The following TIMM9 variants were observed in gnomAD, a reference collection of about 807,000 sequenced individuals.
TIMM9 encodes translocase of inner mitochondrial membrane 9.
Under a neutral mutation model 13.4 loss-of-function variants are expected in TIMM9, and 10 were observed. The ratio of observed to expected loss-of-function variants is 0.75; its 90% CI spans 0.46 to 1.26. TIMM9 has a LOEUF of 1.26. Among genes scored for constraint, TIMM9 ranks in the 50% most tolerant of loss-of-function variants. The pLI is 0.00. For missense variants in TIMM9, 87 were observed against 100.8 expected, an observed-to-expected ratio of 0.86 and a Z score of 0.58; for synonymous variants, 32 against 32.1, an observed-to-expected ratio of 1.00 and a Z score of 0.01.
rs1432329127 is a variant in TIMM9, at chr14:58,410,883, C to A, written c.95G>T (p.Cys32Phe). The A allele has an allele frequency of 3.7e-6, 6 of 1,613,162 alleles. No individual in the cohort carries two copies. The highest frequency in any genetic ancestry group is 1.7e-5 in the Admixed American group (1 of 59,782). Residue 32 changes from cysteine to phenylalanine, a missense_variant, in exon 5 of 6, where the codon TGT becomes TTT. By Grantham distance (205) the Cys-to-Phe change is radical. Transcript: ENST00000395159. ...NKLTETCFLD[C>F]VKDFTTREVK... is the part of the protein sequence containing the mutation. The stretch of plus-strand genomic sequence containing the variant: ...TTCTCTTGTTGTGAAGTCTTTAACA[C>A]AGTCCAAAAAGCAGGTCTCTGTAAG...
intron 3 of TIMM9, among the ~76,000 whole-genome samples, chr14:58,421,754 T>G (rs1016558708): frequency 6.6e-6 from 1 of 152,188 alleles, no homozygotes; most frequent in Non-Finnish European, 1.5e-5. Flanking sequence ...TAAAGAAGTA[T>G]TAAATGAAAT....
At chr14:58,423,619 T>C (rs2036655229) in intron 3 of TIMM9, among the ~76,000 whole-genome samples, 1 of 151,868 alleles carries the variant, frequency 6.6e-6, no homozygotes, top group African/African-American at 2.4e-5. Context: ...ATTTTCAGAG[T>C]TACTTGCTAA....
chr14:58,421,618 T>C (rs1371349325), intron 3 of TIMM9, among the ~76,000 whole-genome samples: 2 of 152,190 alleles, frequency 1.3e-5, no homozygotes, highest in Non-Finnish European at 2.9e-5. Flanking sequence ...TATAACTTTC[T>C]GGTACCTGCC....
chr14:58,421,895 G>C (rs923073033), intron 3 of TIMM9, among the ~76,000 whole-genome samples: 6 of 152,004 alleles, frequency 3.9e-5, no homozygotes, highest in African/African-American at 1.4e-4. Flanking sequence ...TTGAATTGTC[G>C]AATAAGGACA....
At chr14:58,417,143 C>T (rs1399550971) in intron 3 of TIMM9, among the ~76,000 whole-genome samples, 1 of 152,084 alleles carries the variant, frequency 6.6e-6, no homozygotes, top group Non-Finnish European at 1.5e-5. Flanking sequence ...GTGACTTGCT[C>T]CTCCTTGCCT....
chr14:58,414,879 C>T (rs1160056733), intron 3 of TIMM9, among the ~76,000 whole-genome samples: 1 of 152,156 alleles, frequency 6.6e-6, no homozygotes, highest in Non-Finnish European at 1.5e-5. Flanking sequence ...GGGAGCCTGG[C>T]TTTCCACCCC....
In TIMM9 at chr14:58,411,894, T is replaced by G; in HGVS notation, c.39+13A>C. On this transcript the variant is annotated intron_variant, in intron 4 of 5. Coordinates refer to ENST00000395159, the MANE Select transcript of TIMM9 (RefSeq NM_012460.4). ...TTTTGCAAAATCTTTTCCCCTTAAT[T>G]AGAATACCTTACCTGTTTTATCTGA... is the stretch of plus-strand genomic sequence containing the variant. 2 of 1,613,470 alleles carry G rather than the reference T, an allele frequency of 1.2e-6. No homozygotes were observed. Among genetic ancestry groups the G allele is most frequent in the South Asian group, 2.2e-5 (2 of 91,048 alleles).
At chr14:58,411,371 C>T (rs1481433683) in intron 4 of TIMM9, among the ~76,000 whole-genome samples, 1 of 151,802 alleles carries the variant, frequency 6.6e-6, no homozygotes, top group East Asian at 1.9e-4. Flanking sequence ...TTGCTTGGGC[C>T]CGGGAGATGG....
chr14:58,420,330 C>A lies in TIMM9; in HGVS notation c.-27+3678G>T, dbSNP rs111663092. Among the ~76,000 whole-genome samples the A allele has an allele frequency of 1.2e-4, 18 of 152,050 alleles. 1 individual carries two copies. The highest frequency in any genetic ancestry group is 4.1e-4 in the African/African-American group (17 of 41,462). Reference sequence around the variant, plus strand: ...ACATAACTGACAAAGAACTAATAAGCAGAAGATATAAAGAACTCTCAAACC... The same window carrying A: ...ACATAACTGACAAAGAACTAATAAGAAGAAGATATAAAGAACTCTCAAACC... On this transcript the variant is annotated intron_variant, in intron 3 of 5. Transcript: ENST00000395159.
In TIMM9 at chr14:58,420,806, A is replaced by C. The variant is rs909311426; in HGVS notation, c.-27+3202T>G. 2.5e-3 allele frequency among the ~76,000 whole-genome samples: 381 copies of C among 151,926 alleles called. 3 individuals are homozygous for C. Among genetic ancestry groups the C allele is most frequent in the Middle Eastern group, 6.8e-3 (2 of 294 alleles). On this transcript the variant is annotated intron_variant, in intron 3 of 5. Coordinates refer to ENST00000395159, the MANE Select transcript of TIMM9 (RefSeq NM_012460.4). ...AAAAATCCATCTCAAAAAAAAAAAA[A>C]AAAAAAACAAGCTATATACCTATCA...
intron 2 of TIMM9, among the ~76,000 whole-genome samples, chr14:58,426,443 G>A (rs2036810434): frequency 6.6e-6 from 1 of 152,052 alleles, no homozygotes; most frequent in Admixed American, 6.5e-5. Flanking sequence ...CTGATCTCGT[G>A]ATCCGCCCGC....
chr14:58,426,637 G>A (rs961874458), intron 2 of TIMM9, among the ~76,000 whole-genome samples: 2 of 152,238 alleles, frequency 1.3e-5, no homozygotes, highest in East Asian at 1.9e-4. Flanking sequence ...CCAGTAAGGC[G>A]TAAAGGGAAA....
intron 3 of TIMM9, among the ~76,000 whole-genome samples, chr14:58,420,031 C>T (rs1283454363): frequency 2.0e-5 from 3 of 152,176 alleles, no homozygotes; most frequent in African/African-American, 4.8e-5. Context: ...CTTAAGCAGC[C>T]CTCCCATCTC....
chr14:58,415,521 T>C (rs1037897946), intron 3 of TIMM9, among the ~76,000 whole-genome samples: 2 of 151,878 alleles, frequency 1.3e-5, no homozygotes, highest in Admixed American at 6.6e-5. Flanking sequence ...ATAGAAGATA[T>C]CAAGACCCAA....
At chr14:58,418,754 G>A (rs919558320) in intron 3 of TIMM9, among the ~76,000 whole-genome samples, 2 of 151,850 alleles carry the variant, frequency 1.3e-5, no homozygotes, top group African/African-American at 4.8e-5. Flanking sequence ...AAACATGTAC[G>A]GACTTGTATG....
In TIMM9 at chr14:58,408,623, G is replaced by C. The variant is rs2036109190; in HGVS notation, c.*411C>G. 1 of 1,575,794 alleles carries C rather than the reference G, an allele frequency of 6.3e-7. No individual in the cohort carries two copies. The highest frequency in any genetic ancestry group is 1.8e-5 in the Admixed American group (1 of 55,508). On this transcript the variant is annotated 3_prime_UTR_variant, in exon 6 of 6. Coordinates refer to ENST00000395159, the MANE Select transcript of TIMM9 (RefSeq NM_012460.4). Reference sequence around the variant, plus strand: ...ATCCACAGTCCAGTGAGAATACTATGGTACCATACAGTATAAACAACTGCT... The same window carrying C: ...ATCCACAGTCCAGTGAGAATACTATCGTACCATACAGTATAAACAACTGCT...
At chr14:58,409,869 C>T (rs542779153) in intron 5 of TIMM9, among the ~76,000 whole-genome samples, 8 of 152,164 alleles carry the variant, frequency 5.3e-5, no homozygotes, top group Admixed American at 6.6e-5. Context: ...TGAGCCACCG[C>T]GCCCAGCCTA....
rs375481995 is a variant in TIMM9, at chr14:58,409,806, C to T, written c.136-638G>A. Among the ~76,000 whole-genome samples the T allele has an allele frequency of 4.9e-4, 74 of 151,996 alleles. 1 individual carries two copies. Among genetic ancestry groups the T allele is most frequent in the Middle Eastern group, 3.4e-3 (1 of 294 alleles). On this transcript the variant is annotated intron_variant, in intron 5 of 5. Transcript: ENST00000395159. ...TGTTAGCCAGGATGGTCTTGATCTCCTGACCTCGTGATCCGCCTGCCTCAG... is the reference window on the plus strand; with the variant it reads ...TGTTAGCCAGGATGGTCTTGATCTCTTGACCTCGTGATCCGCCTGCCTCAG...
chr14:58,408,654 A>G lies in TIMM9; in HGVS notation c.*380T>C. ...ATACAGTATAAACAACTGCTCAGTG[A>G]TATTTCCATTTATTTTACTTTGAGT... On this transcript the variant is annotated 3_prime_UTR_variant, in exon 6 of 6. Coordinates refer to ENST00000395159, the MANE Select transcript of TIMM9 (RefSeq NM_012460.4). 4 of 1,406,178 alleles carry G rather than the reference A, an allele frequency of 2.8e-6. No homozygotes were observed. Among genetic ancestry groups the G allele is most frequent in the Non-Finnish European group, 3.9e-6 (4 of 1,025,626 alleles). 87.1% of individuals were successfully genotyped at this position (1,406,178 alleles called of 1,614,324 possible).
Sources: gnomAD v4.1 joint callset for allele counts (sites outside exome capture counted in the v4.1 genomes callset) on GRCh38, gnomAD v4.1.1 for gene constraint, MANE v1.5 for transcripts, NCBI Gene and HGNC (gene_info 2026-07-23, HGNC 2026-07-21) for gene names.